EIPR1: variants seen among roughly 807,000 people sequenced by gnomAD.
EIPR1 encodes EARP and GARP complex-interacting protein 1.
A neutral mutation model predicts 48.1 loss-of-function variants in EIPR1; 25 were observed. That is an observed-to-expected ratio of 0.52 (90% CI 0.38 to 0.73). EIPR1 has a LOEUF of 0.73. Ranked by LOEUF, EIPR1 falls within the 30% of genes least tolerant of loss-of-function variation. The pLI is 0.00. For missense variants in EIPR1, 415 were observed against 506.2 expected, an observed-to-expected ratio of 0.82 and a Z score of 1.73; for synonymous variants, 204 against 201.9, an observed-to-expected ratio of 1.01 and a Z score of -0.09.
At chr2:3,266,985 C>T (rs953360321) in intron 3 of EIPR1, among the ~76,000 whole-genome samples, 2 of 152,158 alleles carry the variant, frequency 1.3e-5, no homozygotes, top group Non-Finnish European at 2.9e-5. Context: ...GGGAAGGACC[C>T]GTGGCTATTT....
Position 3,197,034 on chromosome 2 carries a change from G to A in EIPR1, c.517-17C>T. On this transcript the variant is annotated splice_polypyrimidine_tract_variant and intron_variant, in intron 5 of 8. Coordinates refer to ENST00000382125, the MANE Select transcript of EIPR1 (RefSeq NM_003310.5). ...GCTGGCCAGCTGGGAGTGTCACGAT[G>A]TTTTCCAAAGGAAGAAGAAAAGAAG... 1 of 1,612,494 alleles carries A rather than the reference G, an allele frequency of 6.2e-7. No homozygotes were observed. Among genetic ancestry groups the A allele is most frequent in the Non-Finnish European group, 8.5e-7 (1 of 1,179,354 alleles).
At chr2:3,281,962 T>A (rs1668026566) in intron 3 of EIPR1, among the ~76,000 whole-genome samples, 1 of 151,940 alleles carries the variant, frequency 6.6e-6, no homozygotes, top group South Asian at 2.1e-4. Context: ...TGGAACTGAG[T>A]GTTAGGTGGA....
In EIPR1 at chr2:3,256,578, A is replaced by C. The variant is rs568602040; in HGVS notation, c.416+721T>G. ...TGTACAAACGATTTGTCTCTTGCAG[A>C]CACACACGCACATGTGTATGTGTTA... is the stretch of plus-strand genomic sequence containing the variant. On this transcript the variant is annotated intron_variant, in intron 4 of 8. Coordinates refer to ENST00000382125, the MANE Select transcript of EIPR1 (RefSeq NM_003310.5). Among the ~76,000 whole-genome samples, 4 of 152,394 alleles carry C rather than the reference A, an allele frequency of 2.6e-5. No individual in the cohort carries two copies. In the East Asian group the frequency reaches 5.8e-4, roughly 22 times the overall value.
At chr2:3,249,003 C>T (rs2103204186) in intron 4 of EIPR1, among the ~76,000 whole-genome samples, 1 of 152,206 alleles carries the variant, frequency 6.6e-6, no homozygotes, top group East Asian at 1.9e-4. Flanking sequence ...CATGTATTTC[C>T]CTATAGCAAT....
intron 3 of EIPR1, among the ~76,000 whole-genome samples, chr2:3,309,468 C>T (rs1279980755): frequency 1.3e-5 from 2 of 152,176 alleles, no homozygotes; most frequent in Non-Finnish European, 2.9e-5. Context: ...CAAATAACAA[C>T]ATGGCGGAGT....
intron 3 of EIPR1, among the ~76,000 whole-genome samples, chr2:3,307,440 A>G (rs2103303646): frequency 6.6e-6 from 1 of 152,252 alleles, no homozygotes; most frequent in South Asian, 2.1e-4. Flanking sequence ...TTCATGCAGG[A>G]GCCCTACCAT....
intron 4 of EIPR1, among the ~76,000 whole-genome samples, chr2:3,244,709 C>T (rs539650990): frequency 1.3e-4 from 20 of 152,180 alleles, no homozygotes; most frequent in South Asian, 4.1e-4. Context: ...GCGCCTTGAT[C>T]GTGGACTTCC....
In EIPR1 at chr2:3,356,668, T is replaced by C. The variant is rs554625511; in HGVS notation, c.43-2035A>G. On this transcript the variant is annotated intron_variant, in intron 1 of 8. Coordinates refer to ENST00000382125, the MANE Select transcript of EIPR1 (RefSeq NM_003310.5). ...GCTGATGTGCTTAGATTAAGGACCTTGAGATGAGGAGGCTCTCCTGGATTA... is the reference window on the plus strand; with the variant it reads ...GCTGATGTGCTTAGATTAAGGACCTCGAGATGAGGAGGCTCTCCTGGATTA... 7.4e-4 allele frequency among the ~76,000 whole-genome samples: 112 copies of C among 152,240 alleles called. No homozygotes were observed. The South Asian group carries it at 9.4e-3, about 13-fold the overall frequency.
At chr2:3,251,660 G>T (rs1345810285) in intron 4 of EIPR1, among the ~76,000 whole-genome samples, 1 of 152,136 alleles carries the variant, frequency 6.6e-6, no homozygotes, top group African/African-American at 2.4e-5. Context: ...GGTAGAGAGG[G>T]GAAAGCAGGT....
At chr2:3,262,773 T>G (rs1380919934) in intron 3 of EIPR1, among the ~76,000 whole-genome samples, 1 of 152,202 alleles carries the variant, frequency 6.6e-6, no homozygotes, top group Non-Finnish European at 1.5e-5. Flanking sequence ...TGACCATGCC[T>G]CTGGGTCCTG....
intron 3 of EIPR1, among the ~76,000 whole-genome samples, chr2:3,314,218 G>C (rs1046852884): frequency 2.6e-5 from 4 of 152,146 alleles, no homozygotes; most frequent in African/African-American, 7.2e-5. Flanking sequence ...ATTCATCCCA[G>C]TTCTAACGTG....
At chr2:3,265,913 C>T (rs1263347049) in intron 3 of EIPR1, among the ~76,000 whole-genome samples, 1 of 152,238 alleles carries the variant, frequency 6.6e-6, no homozygotes, top group Admixed American at 6.5e-5. Context: ...CCATAACAGC[C>T]CCCTGCTTTG....
Position 3,242,163 on chromosome 2 carries a change from C to A in EIPR1, c.416+15136G>T, listed in dbSNP as rs1283612222. 2.0e-5 allele frequency among the ~76,000 whole-genome samples: 3 copies of A among 151,790 alleles called. No homozygotes were observed. In the East Asian group the frequency reaches 5.8e-4, roughly 29 times the overall value. On this transcript the variant is annotated intron_variant, in intron 4 of 8. Coordinates refer to ENST00000382125, the MANE Select transcript of EIPR1 (RefSeq NM_003310.5). ...CTGGAAGACAGAGATTTCAGGCCCC[C>A]GACTCCACACCACAGGCCCGGCAGC...
At chr2:3,373,296 A>G (rs1445666710) in intron 1 of EIPR1, among the ~76,000 whole-genome samples, 1 of 151,602 alleles carries the variant, frequency 6.6e-6, no homozygotes, top group Non-Finnish European at 1.5e-5. Context: ...CAAAAACTGG[A>G]AGCATTCCCT....
At chr2:3,198,132 C>T (rs571398579) in intron 5 of EIPR1, among the ~76,000 whole-genome samples, 1 of 152,276 alleles carries the variant, frequency 6.6e-6, no homozygotes, top group South Asian at 2.1e-4. Context: ...CCACTCAGAA[C>T]AGAAAGACGG....
intron 3 of EIPR1, among the ~76,000 whole-genome samples, chr2:3,335,711 G>A (rs543475157): frequency 6.6e-6 from 1 of 152,268 alleles, no homozygotes; most frequent in Admixed American, 6.5e-5. Context: ...CCCCCTTGCT[G>A]TTCTTGTGAC....
intron 3 of EIPR1, chr2:3,319,419 G>T: frequency 5.6e-6 from 1 of 178,316 alleles, no homozygotes; most frequent in Non-Finnish European, 1.2e-5. Context: ...AGCACTCGAT[G>T]GGAGCTGTCA....
rs78629541 is a variant in EIPR1 at position 3,212,666 on chromosome 2, G to A, written c.516+1483C>T. 1.4e-3 allele frequency among the ~76,000 whole-genome samples: 209 copies of A among 152,264 alleles called. 3 individuals are homozygous for A. The East Asian group carries it at 0.031, about 23-fold the overall frequency. The stretch of plus-strand genomic sequence containing the variant: ...TGACCAGGACTCTGCCAAATCTCCC[G>A]GAAGGTGGGAGATTATGGACATATA... On this transcript the variant is annotated intron_variant, in intron 5 of 8. Transcript: ENST00000382125.
chr2:3,222,793 CAG>C (rs1206458142), intron 4 of EIPR1, among the ~76,000 whole-genome samples: 8 of 152,170 alleles, frequency 5.3e-5, no homozygotes, highest in African/African-American at 1.7e-4. Flanking sequence ...GATTCGCTTT[CAG>C]AGAGACCAGA....
Sources: gnomAD v4.1 joint callset for allele counts (sites outside exome capture counted in the v4.1 genomes callset) on GRCh38, gnomAD v4.1.1 for gene constraint, MANE v1.5 for transcripts, NCBI Gene and HGNC (gene_info 2026-07-23, HGNC 2026-07-21) for gene names.